SDK1: variants seen among roughly 807,000 people sequenced by gnomAD.
SDK1 encodes protein sidekick-1.
In SDK1, 157 loss-of-function variants were observed where a neutral mutation model predicts 245.5. The observed-to-expected ratio is 0.64, with a 90% CI of 0.56 to 0.73. SDK1 has a LOEUF of 0.73. Ranked by LOEUF, SDK1 falls within the 30% of genes least tolerant of loss-of-function variation. The pLI, the probability that SDK1 is intolerant of heterozygous loss-of-function variation, is 0.00. For synonymous variants in SDK1, 1,647 were observed against 1,278.5 expected (o/e 1.29, Z -6.15); for missense variants, 3,583 against 3,002.3 (o/e 1.19, Z -4.52).
rs931083986 is a variant in SDK1, at chr7:4,067,872, G to A, written c.2946G>A (p.Glu982=). 1 of 1,613,404 alleles carries A rather than the reference G, an allele frequency of 6.2e-7. No homozygotes were observed. The highest frequency in any genetic ancestry group is 1.1e-5 in the South Asian group (1 of 90,688). Residue 982 remains glutamate, a synonymous_variant, in exon 20 of 45, where the codon GAG becomes GAA. Coordinates refer to ENST00000404826, the MANE Select transcript of SDK1 (RefSeq NM_152744.4). ...PGAVGHLSFT[E]ILDTSLKVSW... is the part of the protein sequence containing the mutation. ...CTGTGGGACATCTGAGTTTCACAGA[G>A]ATCTTGGACACATCTCTCAAGGTCA...
rs561240789 is a variant in SDK1, at chr7:4,246,830, G to A, written c.6381+1025G>A. Among the ~76,000 whole-genome samples the A allele has an allele frequency of 2.0e-5, 3 of 152,264 alleles. 1 individual carries two copies. Among genetic ancestry groups the A allele is most frequent in the African/African-American group, 7.2e-5 (3 of 41,562 alleles). On this transcript the variant is annotated intron_variant, in intron 44 of 44. Transcript: ENST00000404826. ...CCGCCTCAGGCCTCCCCTGCGCCTG[G>A]GTGTGCAGCAGTTGAGACATGGAGT... is the stretch of plus-strand genomic sequence containing the variant.
rs188111514 is a variant in SDK1 at position 3,449,443 on chromosome 7, A to G, written c.298+147559A>G. Among the ~76,000 whole-genome samples the G allele has an allele frequency of 5.3e-5, 8 of 151,722 alleles. No homozygotes were observed. The East Asian group carries it at 1.5e-3, about 29-fold the overall frequency. On this transcript the variant is annotated intron_variant, in intron 1 of 44. Transcript: ENST00000404826. The stretch of plus-strand genomic sequence containing the variant: ...ACAAATGATGAAGGAGAGGCAAAGT[A>G]ACTCCAGTATCTCTAGCCAGGAGTG...
At chr7:3,426,221 G>A (rs1779672691) in intron 1 of SDK1, among the ~76,000 whole-genome samples, 1 of 152,164 alleles carries the variant, frequency 6.6e-6, no homozygotes, top group Non-Finnish European at 1.5e-5. Flanking sequence ...GTGCAGTCGT[G>A]TAGTACTGTT....
At chr7:4,151,454 C>T (rs532395216) in intron 30 of SDK1, among the ~76,000 whole-genome samples, 39 of 152,324 alleles carry the variant, frequency 2.6e-4, no homozygotes, top group African/African-American at 8.4e-4. Flanking sequence ...CGTATGCTGG[C>T]GGGTTGGAAT....
intron 5 of SDK1, among the ~76,000 whole-genome samples, chr7:3,837,136 A>G (rs1318280203): frequency 2.0e-5 from 3 of 152,186 alleles, no homozygotes; most frequent in African/African-American, 7.2e-5. Flanking sequence ...GGGCTTTAAC[A>G]TAGTAATTTT....
intron 1 of SDK1, among the ~76,000 whole-genome samples, chr7:3,585,077 C>G (rs551399228): frequency 7.2e-5 from 11 of 152,250 alleles, no homozygotes; most frequent in African/African-American, 2.2e-4. Flanking sequence ...CTTCCTGTGC[C>G]TGTTTCCCTA....
At chr7:3,706,532 G>T (rs866044204) in intron 4 of SDK1, among the ~76,000 whole-genome samples, 3 of 152,122 alleles carry the variant, frequency 2.0e-5, no homozygotes, top group Non-Finnish European at 4.4e-5. Flanking sequence ...CTCCCAAATA[G>T]CTGGGACTAC....
At chr7:3,694,856 A>G (rs755733126) in intron 4 of SDK1, among the ~76,000 whole-genome samples, 13 of 152,180 alleles carry the variant, frequency 8.5e-5, no homozygotes, top group Non-Finnish European at 1.5e-4. Context: ...ACTGAAAATG[A>G]TTTGTTCTGT....
chr7:3,321,735 T>TCC (rs1358620064), intron 1 of SDK1, among the ~76,000 whole-genome samples: 1 of 33,372 alleles, frequency 3.0e-5, no homozygotes, highest in Non-Finnish European at 5.2e-5. Flanking sequence ...CTCCCTCCCA[T>TCC]CCCCTCCCCC....
At chr7:3,657,599 G>T (rs1414135260) in intron 4 of SDK1, among the ~76,000 whole-genome samples, 1 of 126,810 alleles carries the variant, frequency 7.9e-6, no homozygotes, top group African/African-American at 3.6e-5. Context: ...TAGGGGACTC[G>T]GGTTTTTTTC....
At chr7:4,103,796 A>C (rs1325826817) in intron 22 of SDK1, among the ~76,000 whole-genome samples, 1 of 152,216 alleles carries the variant, frequency 6.6e-6, no homozygotes, top group African/African-American at 2.4e-5. Flanking sequence ...TCAGCAGCCG[A>C]GGAGGAGTCA....
chr7:4,114,683 G>C (rs1296704085), intron 25 of SDK1, among the ~76,000 whole-genome samples: 2 of 152,158 alleles, frequency 1.3e-5, no homozygotes, highest in Non-Finnish European at 2.9e-5. Context: ...GCCTCTAAAA[G>C]TTTAATTGCT....
At chr7:3,967,536 A>G (rs902680069) in intron 10 of SDK1, 102 bp downstream of exon 10, 10 of 750,540 alleles carry the variant, frequency 1.3e-5, no homozygotes, top group Admixed American at 8.2e-5. Context: ...TCACTTATGC[A>G]TTCACTCAAT....
intron 10 of SDK1, among the ~76,000 whole-genome samples, chr7:3,968,934 T>C (rs1407779810): frequency 6.6e-6 from 1 of 152,164 alleles, no homozygotes; most frequent in Non-Finnish European, 1.5e-5. Context: ...CAGGAAATCA[T>C]GGTGGAAGGT....
At chr7:3,395,547 G>A (rs950998433) in intron 1 of SDK1, among the ~76,000 whole-genome samples, 1 of 151,848 alleles carries the variant, frequency 6.6e-6, no homozygotes, top group East Asian at 1.9e-4. Flanking sequence ...ATACTTCTCG[G>A]AAGAATTTGT....
At chr7:3,549,433 A>C (rs1218712051) in intron 1 of SDK1, among the ~76,000 whole-genome samples, 1 of 152,154 alleles carries the variant, frequency 6.6e-6, no homozygotes, top group Non-Finnish European at 1.5e-5. Flanking sequence ...ATCTTAACTT[A>C]AAAATTTTAA....
At chr7:3,812,034 T>C (rs2115048517) in intron 4 of SDK1, among the ~76,000 whole-genome samples, 1 of 152,342 alleles carries the variant, frequency 6.6e-6, no homozygotes, top group South Asian at 2.1e-4. Flanking sequence ...CTGCCATCAT[T>C]TATCTTTTTA....
chr7:3,878,319 G>C (rs1781122837), intron 5 of SDK1, among the ~76,000 whole-genome samples: 1 of 152,174 alleles, frequency 6.6e-6, no homozygotes, highest in South Asian at 2.1e-4. Flanking sequence ...AGCAGATCAA[G>C]ACCATCCTGG....
intron 32 of SDK1, among the ~76,000 whole-genome samples, chr7:4,170,548 G>A (rs1781775518): frequency 1.3e-5 from 2 of 152,236 alleles, no homozygotes; most frequent in South Asian, 4.1e-4. Context: ...TTTCCACCAC[G>A]CCCCCACATC....
Sources: gnomAD v4.1 joint callset for allele counts (sites outside exome capture counted in the v4.1 genomes callset) on GRCh38, gnomAD v4.1.1 for gene constraint, MANE v1.5 for transcripts, NCBI Gene and HGNC (gene_info 2026-07-23, HGNC 2026-07-21) for gene names.